VPS13B: variants seen among roughly 807,000 people sequenced by gnomAD.
VPS13B encodes intermembrane lipid transfer protein VPS13B.
VPS13B carries 285 observed loss-of-function variants against 426.4 expected under a neutral mutation model. That is an observed-to-expected ratio of 0.67 (90% confidence interval 0.61 to 0.74). The LOEUF (loss-of-function observed/expected upper bound fraction) is 0.74. VPS13B is among the 30% of genes least tolerant of loss of function. VPS13B has a pLI of 0.00. For synonymous variants in VPS13B, 1,676 were observed against 1,676.4 expected (o/e 1.00, Z 0.01); for missense variants, 4,537 against 4,782.6 (o/e 0.95, Z 1.51).
At chr8:99,584,221 C>G (rs1184673652) in intron 33 of VPS13B, among the ~76,000 whole-genome samples, 2 of 152,308 alleles carry the variant, frequency 1.3e-5, no homozygotes, top group South Asian at 4.1e-4. Flanking sequence ...ATTGAACTCT[C>G]ACATCTGTCA....
chr8:99,837,178 G>A (rs755192874), intron 54 of VPS13B, among the ~76,000 whole-genome samples: 1 of 152,208 alleles, frequency 6.6e-6, no homozygotes, highest in Non-Finnish European at 1.5e-5. Context: ...AAGAGCAGTA[G>A]CTGTGGAAAC....
chr8:99,574,044 T>C (rs1204262098), intron 31 of VPS13B, among the ~76,000 whole-genome samples: 2 of 152,168 alleles, frequency 1.3e-5, no homozygotes, highest in African/African-American at 4.8e-5. Context: ...TCCTAGGTAT[T>C]TTTTTCTCTT....
At position 99,274,883 on chromosome 8, in the gene VPS13B, G is replaced by T. The variant is rs1818810630; in HGVS notation, c.2651-198G>T. Among the ~76,000 whole-genome samples, 1 of 151,872 alleles carries T rather than the reference G, an allele frequency of 6.6e-6. No individual in the cohort carries two copies. Among genetic ancestry groups the T allele is most frequent in the East Asian group, 1.9e-4 (1 of 5,192 alleles). The stretch of plus-strand genomic sequence containing the variant: ...TTATAAGCTTTTCTGGACATGTTCT[G>T]CATTCATTAGCAAATATGAAAACTT... On this transcript the variant is annotated intron_variant, in intron 18 of 61. Transcript: ENST00000357162.
intron 35 of VPS13B, among the ~76,000 whole-genome samples, chr8:99,684,422 A>G (rs979747631): frequency 3.3e-5 from 5 of 151,914 alleles, no homozygotes; most frequent in Non-Finnish European, 7.4e-5. Flanking sequence ...GCATTAAGAG[A>G]CTCCTTCACA....
rs372202100 is a variant in VPS13B, at chr8:99,835,181, C to T, written c.9615-16C>T. 5 of 1,613,662 alleles carry T rather than the reference C, an allele frequency of 3.1e-6. No individual in the cohort carries two copies. The African/African-American group carries it at 6.7e-5, about 22-fold the overall frequency. On this transcript the variant is annotated splice_polypyrimidine_tract_variant and intron_variant, in intron 52 of 61. Coordinates refer to ENST00000357162, the MANE Select transcript of VPS13B (RefSeq NM_152564.5). ...TTTCCTAAACATTTCTGTCATTTGA[C>T]TTGATTCTCTTCCAGGGCTATAGTG...
chr8:99,834,226 A>G (rs1815245337), intron 52 of VPS13B, among the ~76,000 whole-genome samples: 1 of 152,264 alleles, frequency 6.6e-6, no homozygotes, highest in Non-Finnish European at 1.5e-5. Context: ...TTTGGCAATC[A>G]TTCTATGTAA....
rs114058528 is a variant in VPS13B, at chr8:99,669,429, A to G, written c.6046+7938A>G. ...TGAGCCACTGTCATTGTAGCCATGA[A>G]ATGACATTTAAATGACAACAAAGAA... On this transcript the variant is annotated intron_variant, in intron 35 of 61. Coordinates refer to ENST00000357162, the MANE Select transcript of VPS13B (RefSeq NM_152564.5). Among the ~76,000 whole-genome samples, 1,088 of 152,230 alleles carry G rather than the reference A, an allele frequency of 7.1e-3. 14 individuals are homozygous for G. The highest frequency in any genetic ancestry group is 0.025 in the African/African-American group (1,043 of 41,536).
chr8:99,301,404 C>T (rs1820360421), intron 19 of VPS13B, among the ~76,000 whole-genome samples: 1 of 151,888 alleles, frequency 6.6e-6, no homozygotes, highest in Admixed American at 6.6e-5. Flanking sequence ...AGCAATTCTC[C>T]TGCCTTAGCC....
intron 22 of VPS13B, among the ~76,000 whole-genome samples, chr8:99,436,903 T>C (rs1357915384): frequency 6.6e-6 from 1 of 152,074 alleles, no homozygotes; most frequent in Non-Finnish European, 1.5e-5. Context: ...CATGCCCAGC[T>C]AATTTTTTTG....
chr8:99,443,834 G>A (rs1817788649), intron 23 of VPS13B, among the ~76,000 whole-genome samples: 1 of 152,018 alleles, frequency 6.6e-6, no homozygotes, highest in Admixed American at 6.6e-5. Context: ...GCTATATGCT[G>A]AGGAGTAAAA....
chr8:99,322,893 A>G (rs1313582566), intron 19 of VPS13B, among the ~76,000 whole-genome samples: 1 of 152,230 alleles, frequency 6.6e-6, no homozygotes, highest in Non-Finnish European at 1.5e-5. Context: ...GATGTGTGTT[A>G]TCTTCTGCAC....
chr8:99,201,883 T>A (rs1270546794), intron 17 of VPS13B, among the ~76,000 whole-genome samples: 28 of 152,214 alleles, frequency 1.8e-4, no homozygotes. Flanking sequence ...TAACTATATA[T>A]GACTAAATAA....
At chr8:99,514,505 G>C (rs1380566091) in intron 29 of VPS13B, among the ~76,000 whole-genome samples, 1 of 152,034 alleles carries the variant, frequency 6.6e-6, no homozygotes, top group South Asian at 2.1e-4. Context: ...TACTACTCTA[G>C]AAATTTCATG....
chr8:99,186,589 G>A (rs987997574), intron 16 of VPS13B, among the ~76,000 whole-genome samples: 2 of 152,066 alleles, frequency 1.3e-5, no homozygotes, highest in Non-Finnish European at 2.9e-5. Context: ...ACAGATAATT[G>A]TGTAAGATAC....
rs568575590 is a variant in VPS13B at position 99,686,851 on chromosome 8, C to T, written c.6047-12674C>T. Among the ~76,000 whole-genome samples the T allele has an allele frequency of 7.2e-5, 11 of 152,164 alleles. No homozygotes were observed. The South Asian group carries it at 2.3e-3, about 32-fold the overall frequency. Reference sequence around the variant, plus strand: ...CCAAGAACCCACTTGGTGCTCTTTCCCACTGTGGGCTAGCTGGTACCTAAG... The same window carrying T: ...CCAAGAACCCACTTGGTGCTCTTTCTCACTGTGGGCTAGCTGGTACCTAAG... On this transcript the variant is annotated intron_variant, in intron 35 of 61. Transcript: ENST00000357162.
chr8:99,328,827 T>C (rs1468780391), intron 19 of VPS13B, among the ~76,000 whole-genome samples: 5 of 152,058 alleles, frequency 3.3e-5, no homozygotes, highest in Non-Finnish European at 7.4e-5. Flanking sequence ...AGAAGAAGAG[T>C]GTGAATTCAT....
chr8:99,399,738 G>C (rs892321352), intron 21 of VPS13B, among the ~76,000 whole-genome samples: 1 of 152,172 alleles, frequency 6.6e-6, no homozygotes, highest in Non-Finnish European at 1.5e-5. Flanking sequence ...AGCTCATAAA[G>C]AGATGTAATT....
At chr8:99,266,965 G>C (rs977196305) in intron 17 of VPS13B, among the ~76,000 whole-genome samples, 20 of 152,192 alleles carry the variant, frequency 1.3e-4, no homozygotes, top group African/African-American at 4.8e-4. Context: ...GTAGGGTGCT[G>C]CTATAAGGAT....
At chr8:99,690,142 T>A (rs1344451184) in intron 35 of VPS13B, among the ~76,000 whole-genome samples, 1 of 152,164 alleles carries the variant, frequency 6.6e-6, no homozygotes, top group Non-Finnish European at 1.5e-5. Context: ...ATCCAATTTA[T>A]CTAAAATATT....
Sources: allele counts gnomAD v4.1 joint callset (sites outside exome capture counted in the v4.1 genomes callset), GRCh38; gene constraint gnomAD v4.1.1; transcripts MANE v1.5; gene names NCBI Gene and HGNC (gene_info 2026-07-23, HGNC 2026-07-21).